U2AF2: variants seen among roughly 807,000 people sequenced by gnomAD.
U2AF2 encodes the protein U2 small nuclear RNA auxiliary factor 2.
In U2AF2, 6 loss-of-function variants were observed where a neutral mutation model predicts 52.6. The observed-to-expected ratio is 0.11, with a 90% CI of 0.06 to 0.23. The LOEUF (loss-of-function observed/expected upper bound fraction) is 0.23. Among genes scored for constraint, U2AF2 ranks in the 10% least tolerant of loss-of-function variants. The pLI, the probability that U2AF2 is intolerant of heterozygous loss-of-function variation, is 1.00. For synonymous variants in U2AF2, 284 were observed against 258.2 expected, an observed-to-expected ratio of 1.10 and a Z score of -0.96; for missense variants, 222 against 677.1, an observed-to-expected ratio of 0.33 and a Z score of 7.46.
intron 6 of U2AF2, among the ~76,000 whole-genome samples, chr19:55,663,048 G>A (rs927951966): frequency 2.0e-5 from 3 of 152,014 alleles, no homozygotes; most frequent in South Asian, 2.1e-4. Context: ...CTCAACTGTC[G>A]GGAAAAGGCC....
At chr19:55,670,023 C>T (rs1454502587) in intron 11 of U2AF2, among the ~76,000 whole-genome samples, 1 of 152,110 alleles carries the variant, frequency 6.6e-6, no homozygotes, top group Admixed American at 6.5e-5. Context: ...CTGGCTTGTG[C>T]AAATGGTTTT....
chr19:55,659,142 G>T, intron 1 of U2AF2, 68 bp from the exon 2 acceptor site: 1 of 1,435,560 alleles, frequency 7.0e-7, no homozygotes, highest in Non-Finnish European at 9.2e-7. Flanking sequence ...AGCCACCAGC[G>T]CGCAGGGTGG....
chr19:55,659,192 CCT>C lies in U2AF2; in HGVS notation c.50-14_50-13del. 6.5e-7 allele frequency: 1 copy of C among 1,540,814 alleles called. No homozygotes were observed. The highest frequency in any genetic ancestry group is 8.8e-7 in the Non-Finnish European group (1 of 1,139,308). ...CTTACTCCGCTTATCCCGTGCCCCTCCTCTCACCCTTGCCCAGAGCGGGACAA... is the reference window on the plus strand; with the variant it reads ...CTTACTCCGCTTATCCCGTGCCCCTCCTCACCCTTGCCCAGAGCGGGACAA... On this transcript the variant is annotated splice_polypyrimidine_tract_variant and intron_variant, in intron 1 of 11. Coordinates refer to ENST00000308924, the MANE Select transcript of U2AF2 (RefSeq NM_007279.3).
intron 1 of U2AF2, 35 bp from the exon 2 acceptor site, chr19:55,659,175 G>T: frequency 6.6e-7 from 1 of 1,510,622 alleles, no homozygotes. Context: ...TCCTTACTCC[G>T]CTTATCCCGT....
chr19:55,663,768 C>T (rs1984367565), intron 7 of U2AF2, 24 bp downstream of exon 7: 9 of 1,613,194 alleles, frequency 5.6e-6, no homozygotes, highest in Non-Finnish European at 7.6e-6. Flanking sequence ...CCATTAAGGG[C>T]CCCTTTCTCC....
At chr19:55,662,217 C>T (rs893923275) in intron 5 of U2AF2, 6 of 339,054 alleles carry the variant, frequency 1.8e-5, no homozygotes, top group South Asian at 6.3e-5. Context: ...CTTCTCCTTT[C>T]CCCTGATTTT....
At chr19:55,673,205 C>T (rs1985034285) in intron 11 of U2AF2, among the ~76,000 whole-genome samples, 1 of 152,202 alleles carries the variant, frequency 6.6e-6, no homozygotes, top group Non-Finnish European at 1.5e-5. Context: ...AGGCGTGAGC[C>T]ACTGTGCCCA....
At chr19:55,658,636 C>T (rs185414885) in intron 1 of U2AF2, among the ~76,000 whole-genome samples, 91 of 152,252 alleles carry the variant, frequency 6.0e-4, no homozygotes, top group African/African-American at 2.1e-3. Context: ...GCAGATTCTC[C>T]GAGGCCCTTC....
chr19:55,669,001 C>G, intron 9 of U2AF2, 82 bp from the exon 10 acceptor site: 3 of 1,528,872 alleles, frequency 2.0e-6, no homozygotes, highest in Non-Finnish European at 2.7e-6. Context: ...ACCAATGCCC[C>G]GGCTTGGGGG....
At chr19:55,657,275 C>T (rs1983855618) in intron 1 of U2AF2, among the ~76,000 whole-genome samples, 1 of 152,200 alleles carries the variant, frequency 6.6e-6, no homozygotes, top group African/African-American at 2.4e-5. Flanking sequence ...ACGAAGCTCT[C>T]ATTGTTTTTA....
At chr19:55,673,682 G>A (rs1184172984) in intron 11 of U2AF2, among the ~76,000 whole-genome samples, 1 of 152,210 alleles carries the variant, frequency 6.6e-6, no homozygotes, top group Admixed American at 6.5e-5. Flanking sequence ...CTATGGCTCT[G>A]CTGAGTTTCT....
At chr19:55,672,324 G>A (rs1416871951) in intron 11 of U2AF2, among the ~76,000 whole-genome samples, 1 of 151,862 alleles carries the variant, frequency 6.6e-6, no homozygotes, top group African/African-American at 2.4e-5. Context: ...TTCATATTCA[G>A]CTTATTTCTC....
intron 5 of U2AF2, among the ~76,000 whole-genome samples, chr19:55,661,504 A>G (rs1984194997): frequency 5.9e-4 from 1 of 1,706 alleles, no homozygotes; most frequent in South Asian, 0.012. Flanking sequence ...ACTTGGACAC[A>G]CACACACACA....
chr19:55,670,777 G>T, intron 11 of U2AF2: 1 of 179,816 alleles, frequency 5.6e-6, no homozygotes, highest in Non-Finnish European at 1.2e-5. Context: ...GAGGCCTCCA[G>T]GGTGGTCACG....
rs1984116672 is a variant in U2AF2 at position 55,660,550 on chromosome 19, C to T, written c.265C>T (p.Arg89Cys). The change falls in exon 4 of 12, where the codon CGT becomes TGT. Residue 89 changes from arginine (R) to cysteine (C), a missense_variant. Arg to Cys is a radical substitution (Grantham distance 180). Transcript: ENST00000308924. The stretch of plus-strand genomic sequence containing the variant: ...CCGCCACGAGAAGAAGAAGAAGGTC[C>T]GTAAATACTGGGACGTGCCACCCCC... ...SPRHEKKKKVRKYWDVPPPGF... is the reference protein window; with the variant it reads ...SPRHEKKKKVCKYWDVPPPGF... 3.7e-6 allele frequency: 6 copies of T among 1,609,624 alleles called. No homozygotes were observed. Among genetic ancestry groups the T allele is most frequent in the South Asian group, 1.1e-5 (1 of 90,956 alleles).
chr19:55,655,266 C>T (rs538926885), intron 1 of U2AF2, 113 bp downstream of exon 1: 4 of 1,207,894 alleles, frequency 3.3e-6, no homozygotes, highest in Non-Finnish European at 4.6e-6. Flanking sequence ...GCGGCGCCCC[C>T]CAACCCTGGT....
intron 1 of U2AF2, among the ~76,000 whole-genome samples, chr19:55,657,449 C>T (rs1407420571): frequency 6.6e-6 from 1 of 152,212 alleles, no homozygotes; most frequent in Admixed American, 6.5e-5. Context: ...CAGGGAATTT[C>T]CTTGTCTATA....
In U2AF2 at chr19:55,668,620, C is replaced by G. The variant is rs201054522; in HGVS notation, c.822+34C>G. 9 of 1,596,236 alleles carry G rather than the reference C, an allele frequency of 5.6e-6. No homozygotes were observed. The highest frequency in any genetic ancestry group is 7.7e-6 in the Non-Finnish European group (9 of 1,167,618). On this transcript the variant is annotated intron_variant, in intron 8 of 11. Coordinates refer to ENST00000308924, the MANE Select transcript of U2AF2 (RefSeq NM_007279.3). This position sits in a 1 kb window ranked among gnomAD's most constrained non-coding sequence, Gnocchi z 5.5. ...CCTGCCTCCCTCCAGACCCGTCCCC[C>G]CACCCCGCCCCACCTCATCCCAGCC...
chr19:55,662,815 T>C (rs539086058), intron 6 of U2AF2, among the ~76,000 whole-genome samples, 197 bp downstream of exon 6: 1 of 152,280 alleles, frequency 6.6e-6, no homozygotes, highest in East Asian at 1.9e-4. Context: ...TTGCTTTCTG[T>C]GTGACCTGAG....
Sources: gnomAD v4.1 joint callset for allele counts (sites outside exome capture counted in the v4.1 genomes callset) on GRCh38, gnomAD v4.1.1 for gene constraint, Gnocchi (gnomAD v3.1) non-coding constraint, MANE v1.5 for transcripts, NCBI Gene and HGNC (gene_info 2026-07-23, HGNC 2026-07-21) for gene names.